AUTS2: variants seen among roughly 807,000 people sequenced by gnomAD.
AUTS2 encodes autism susceptibility gene 2 protein.
Under a neutral mutation model 112.4 loss-of-function variants are expected in AUTS2, and 17 were observed. That is an observed-to-expected ratio of 0.15 (90% CI 0.10 to 0.23). AUTS2 has a LOEUF of 0.23. AUTS2 is among the 10% of genes least tolerant of loss of function. AUTS2 has a pLI of 1.00. For synonymous variants in AUTS2, 751 were observed against 702.7 expected, an observed-to-expected ratio of 1.07 and a Z score of -1.09; for missense variants, 1,510 against 1,701.6, an observed-to-expected ratio of 0.89 and a Z score of 1.98.
intron 2 of AUTS2, among the ~76,000 whole-genome samples, chr7:70,013,246 AT>A (rs1799884461): frequency 6.6e-6 from 1 of 152,198 alleles, no homozygotes. Flanking sequence ...GATGGTAACA[AT>A]TTACTGACTG....
intron 5 of AUTS2, among the ~76,000 whole-genome samples, chr7:70,635,554 A>C (rs1372257255): frequency 1.3e-5 from 2 of 152,160 alleles, no homozygotes; most frequent in Non-Finnish European, 2.9e-5. Context: ...AGTCATACAC[A>C]GAGAGGGAGA....
intron 15 of AUTS2, chr7:70,781,975 T>TA: frequency 1.7e-6 from 1 of 577,500 alleles, no homozygotes; most frequent in Non-Finnish European, 3.0e-6. Flanking sequence ...ATCTTTCCCT[T>TA]ACAGGGATTC....
chr7:70,381,519 C>T (rs907140883), intron 4 of AUTS2, among the ~76,000 whole-genome samples: 9 of 152,158 alleles, frequency 5.9e-5, no homozygotes, highest in African/African-American at 1.9e-4. Flanking sequence ...ACTTGCAAAT[C>T]ATTCGTTAGC....
chr7:69,937,610 C>CT (rs1228852846), intron 2 of AUTS2, among the ~76,000 whole-genome samples: 2 of 152,184 alleles, frequency 1.3e-5, no homozygotes, highest in Non-Finnish European at 2.9e-5. Context: ...GTATGGACCT[C>CT]TTCCACACTG....
chr7:70,177,564 A>C (rs927174445), intron 4 of AUTS2, among the ~76,000 whole-genome samples: 6 of 152,232 alleles, frequency 3.9e-5, no homozygotes, highest in Non-Finnish European at 2.9e-5. Context: ...TTTTACATAT[A>C]GGGAATCTAG....
intron 4 of AUTS2, among the ~76,000 whole-genome samples, chr7:70,418,431 A>C (rs1795081200): frequency 6.6e-6 from 1 of 152,218 alleles, no homozygotes; most frequent in South Asian, 2.1e-4. Context: ...ATGAGGAAGC[A>C]AAGTCACAGT....
chr7:70,146,727 T>G (rs1287410138), intron 4 of AUTS2, among the ~76,000 whole-genome samples: 1 of 152,130 alleles, frequency 6.6e-6, no homozygotes. Context: ...TTAGTTTGAT[T>G]ACAAGCATTT....
intron 2 of AUTS2, among the ~76,000 whole-genome samples, chr7:69,974,258 T>G (rs1797969220): frequency 6.6e-6 from 1 of 150,764 alleles, no homozygotes; most frequent in Non-Finnish European, 1.5e-5. Flanking sequence ...GATGTCTGTA[T>G]AGTTATATTC....
chr7:70,562,674 A>C (rs1801540521), intron 5 of AUTS2, among the ~76,000 whole-genome samples: 1 of 152,216 alleles, frequency 6.6e-6, no homozygotes. Flanking sequence ...ACCCAGGATA[A>C]TACTTGGAAC....
chr7:69,774,273 G>T (rs779863165), intron 1 of AUTS2, among the ~76,000 whole-genome samples: 6 of 152,210 alleles, frequency 3.9e-5, no homozygotes, highest in South Asian at 2.1e-4. Flanking sequence ...GGTGGTATGT[G>T]CCTGTAGTCC....
At chr7:70,130,148 A>G (rs972322343) in intron 3 of AUTS2, among the ~76,000 whole-genome samples, 1 of 152,132 alleles carries the variant, frequency 6.6e-6, no homozygotes, top group Non-Finnish European at 1.5e-5. Context: ...GTTGAACACA[A>G]TTAGCGATTT....
chr7:70,770,686 ACTC>A (rs1255146797), intron 10 of AUTS2, among the ~76,000 whole-genome samples: 2 of 152,106 alleles, frequency 1.3e-5, no homozygotes, highest in Admixed American at 1.3e-4. Flanking sequence ...CATAGAGTGG[ACTC>A]CTACGTGAAG....
intron 5 of AUTS2, among the ~76,000 whole-genome samples, chr7:70,452,669 A>T (rs1429784290): frequency 6.6e-6 from 1 of 152,136 alleles, no homozygotes; most frequent in African/African-American, 2.4e-5. Flanking sequence ...AGTGTCTTAA[A>T]GAGGTAGAAG....
At chr7:70,530,261 A>G (rs1563019868) in intron 5 of AUTS2, among the ~76,000 whole-genome samples, 2 of 152,142 alleles carry the variant, frequency 1.3e-5, no homozygotes, top group African/African-American at 4.8e-5. Context: ...TTAAAATTGT[A>G]TCAAAGAGGC....
At chr7:69,710,455 G>C (rs1798265027) in intron 1 of AUTS2, among the ~76,000 whole-genome samples, 1 of 152,198 alleles carries the variant, frequency 6.6e-6, no homozygotes, top group African/African-American at 2.4e-5. Flanking sequence ...CTTCCACCTT[G>C]ATCTGTTAGG....
intron 1 of AUTS2, among the ~76,000 whole-genome samples, chr7:69,725,633 G>A (rs948245669): frequency 3.9e-5 from 6 of 152,184 alleles, no homozygotes; most frequent in South Asian, 4.1e-4. Flanking sequence ...TGAGGCTGGA[G>A]AACTGGGTTT....
intron 4 of AUTS2, among the ~76,000 whole-genome samples, chr7:70,348,989 A>C (rs959309281): frequency 6.6e-6 from 1 of 152,226 alleles, no homozygotes; most frequent in African/African-American, 2.4e-5. Flanking sequence ...TTTTTAAATA[A>C]CAAAAATGAC....
At chr7:69,628,642 C>A (rs1003693547) in intron 1 of AUTS2, among the ~76,000 whole-genome samples, 5 of 152,140 alleles carry the variant, frequency 3.3e-5, no homozygotes, top group Non-Finnish European at 5.9e-5. Context: ...GAAGGGGAAG[C>A]AGGCGTGTCT....
chr7:69,641,204 A>G (rs910664203), intron 1 of AUTS2, among the ~76,000 whole-genome samples: 5 of 152,232 alleles, frequency 3.3e-5, no homozygotes, highest in African/African-American at 1.2e-4. Flanking sequence ...AATGAACAGA[A>G]ATAGGACACA....
Sources: allele counts gnomAD v4.1 joint callset (sites outside exome capture counted in the v4.1 genomes callset), GRCh38; gene constraint gnomAD v4.1.1; transcripts MANE v1.5; gene names NCBI Gene and HGNC (gene_info 2026-07-23, HGNC 2026-07-21).